THADA: variants seen among roughly 807,000 people sequenced by gnomAD.
THADA encodes tRNA (32-2'-O)-methyltransferase regulator THADA.
Under a neutral mutation model 219.8 loss-of-function variants are expected in THADA, and 213 were observed. The observed-to-expected ratio is 0.97, with a 90% CI of 0.87 to 1.09. The LOEUF (loss-of-function observed/expected upper bound fraction) is 1.09, where lower values mean the gene tolerates loss of function less well. Among genes scored for constraint, THADA ranks in the 50% least tolerant of loss-of-function variants. The probability of loss-of-function intolerance (pLI) is 0.00; values close to 1 mark genes in which losing one functional copy is unlikely to be tolerated. For missense variants in THADA, 2,956 were observed against 2,311.3 expected, an observed-to-expected ratio of 1.28 and a Z score of -5.72; for synonymous variants, 1,018 against 828.9, an observed-to-expected ratio of 1.23 and a Z score of -3.92.
chr2:43,578,622 A>C lies in THADA; in HGVS notation c.722-15T>G, dbSNP rs758574967. ...TAACAGATCATCTATTTGGCAAAAA[A>C]GGAGAGAAGCTTGTGTTAAATAATG... is the stretch of plus-strand genomic sequence containing the variant. On this transcript the variant is annotated splice_polypyrimidine_tract_variant and intron_variant, in intron 8 of 37. Coordinates refer to ENST00000405975, the MANE Select transcript of THADA (RefSeq NM_022065.5). The C allele has an allele frequency of 6.4e-7, 1 of 1,552,672 alleles. No homozygotes were observed. The highest frequency in any genetic ancestry group is 8.8e-7 in the Non-Finnish European group (1 of 1,136,868).
intron 22 of THADA, among the ~76,000 whole-genome samples, chr2:43,518,133 G>A (rs761133682): frequency 6.6e-6 from 1 of 152,082 alleles, no homozygotes; most frequent in Non-Finnish European, 1.5e-5. Flanking sequence ...ATTCCTTCCT[G>A]TTATTTCTCT....
chr2:43,466,164 G>C (rs1684207990), intron 26 of THADA, among the ~76,000 whole-genome samples: 1 of 152,160 alleles, frequency 6.6e-6, no homozygotes, highest in Non-Finnish European at 1.5e-5. Flanking sequence ...ATAAAACACA[G>C]CTCTTCAATG....
intron 29 of THADA, among the ~76,000 whole-genome samples, chr2:43,382,892 A>G (rs1672211594): frequency 6.6e-6 from 1 of 152,214 alleles, no homozygotes; most frequent in Non-Finnish European, 1.5e-5. Flanking sequence ...CTATACCACA[A>G]AAATGGCCTC....
intron 36 of THADA, among the ~76,000 whole-genome samples, chr2:43,261,921 G>A (rs1018632751): frequency 6.6e-6 from 1 of 151,894 alleles, no homozygotes; most frequent in Non-Finnish European, 1.5e-5. Context: ...ACAGGCATGA[G>A]CCACCGCGCC....
intron 36 of THADA, among the ~76,000 whole-genome samples, chr2:43,246,460 A>T (rs1669159815): frequency 6.6e-6 from 1 of 151,956 alleles, no homozygotes. Context: ...GCGCCACTGC[A>T]CTCCAGCCTG....
At chr2:43,282,033 G>C (rs1341029984) in intron 35 of THADA, among the ~76,000 whole-genome samples, 2 of 152,210 alleles carry the variant, frequency 1.3e-5, no homozygotes, top group Non-Finnish European at 2.9e-5. Context: ...TCCTCCCAAA[G>C]TGCTAGGATT....
At chr2:43,417,170 T>TG (rs1298973678) in intron 28 of THADA, among the ~76,000 whole-genome samples, 1 of 151,652 alleles carries the variant, frequency 6.6e-6, no homozygotes, top group Non-Finnish European at 1.5e-5. Context: ...TTGCTATTAT[T>TG]GTTTTTTTTT....
intron 26 of THADA, among the ~76,000 whole-genome samples, chr2:43,456,930 T>C (rs1285611851): frequency 2.0e-5 from 3 of 152,176 alleles, no homozygotes; most frequent in African/African-American, 4.8e-5. Flanking sequence ...AGTACAGGCA[T>C]TGAAAGCATG....
At chr2:43,351,152 T>C (rs950821243) in intron 29 of THADA, among the ~76,000 whole-genome samples, 3 of 152,180 alleles carry the variant, frequency 2.0e-5, no homozygotes, top group Admixed American at 1.3e-4. Context: ...GCACTTATTT[T>C]ACAAATGGCC....
chr2:43,403,734 C>T, intron 28 of THADA, among the ~76,000 whole-genome samples: 1 of 152,210 alleles, frequency 6.6e-6, no homozygotes, highest in Non-Finnish European at 1.5e-5. Flanking sequence ...GGACCATCCA[C>T]TTGCTCTAGA....
chr2:43,505,547 A>T, intron 24 of THADA, 75 bp downstream of exon 24: 1 of 1,100,806 alleles, frequency 9.1e-7, no homozygotes. Context: ...AGACGGTAAC[A>T]GCCGTCTTGA....
chr2:43,280,716 T>C (rs2104314850), intron 35 of THADA, among the ~76,000 whole-genome samples: 1 of 152,200 alleles, frequency 6.6e-6, no homozygotes, highest in Non-Finnish European at 1.5e-5. Context: ...TTGTGTCCCA[T>C]GTATGTAGGG....
chr2:43,308,757 C>A (rs13394540), intron 31 of THADA, among the ~76,000 whole-genome samples: 34,710 of 44,954 alleles, frequency 0.77, 12,575 homozygotes, highest in East Asian at 0.93. Context: ...GATACCCATA[C>A]CAAAAAAAAA....
intron 4 of THADA, 88 bp from the exon 5 acceptor site, chr2:43,587,090 T>C: frequency 2.2e-6 from 3 of 1,336,216 alleles, no homozygotes; most frequent in Non-Finnish European, 3.1e-6. Flanking sequence ...AATGTGGGAA[T>C]ACTGAACTAA....
intron 34 of THADA, among the ~76,000 whole-genome samples, chr2:43,287,727 C>T (rs1250056941): frequency 2.0e-5 from 3 of 152,146 alleles, no homozygotes; most frequent in African/African-American, 7.2e-5. Context: ...ACCAGATGCC[C>T]CTCCTATAGT....
At chr2:43,400,570 C>T (rs919387338) in intron 28 of THADA, among the ~76,000 whole-genome samples, 16 of 150,696 alleles carry the variant, frequency 1.1e-4, no homozygotes, top group Admixed American at 8.6e-4. Context: ...TAGAATCTAA[C>T]GGTTAAGAGA....
intron 29 of THADA, among the ~76,000 whole-genome samples, chr2:43,358,445 G>A (rs1159515765): frequency 6.6e-6 from 1 of 152,182 alleles, no homozygotes; most frequent in Non-Finnish European, 1.5e-5. Context: ...GGTCAGAGGA[G>A]AAACCCACTG....
intron 36 of THADA, among the ~76,000 whole-genome samples, chr2:43,264,692 T>C (rs1427228489): frequency 6.6e-6 from 1 of 151,994 alleles, no homozygotes; most frequent in Non-Finnish European, 1.5e-5. Context: ...GATTCCTAGA[T>C]CTACTCTGGA....
intron 31 of THADA, among the ~76,000 whole-genome samples, chr2:43,315,612 A>G (rs1677990138): frequency 6.6e-6 from 1 of 152,092 alleles, no homozygotes; most frequent in Non-Finnish European, 1.5e-5. Flanking sequence ...CTACAGGCAC[A>G]TAACACCATG....
Sources: gnomAD v4.1 joint callset for allele counts (sites outside exome capture counted in the v4.1 genomes callset) on GRCh38, gnomAD v4.1.1 for gene constraint, MANE v1.5 for transcripts, NCBI Gene and HGNC (gene_info 2026-07-23, HGNC 2026-07-21) for gene names.